ZNF728: variants seen among roughly 807,000 people sequenced by gnomAD.
The protein encoded by ZNF728 is zinc finger protein 728.
A neutral mutation model predicts 12.5 loss-of-function variants in ZNF728; 12 were observed. That is an observed-to-expected ratio of 0.96 (90% CI 0.61 to 1.55). The LOEUF (loss-of-function observed/expected upper bound fraction) is 1.55. Ranked by LOEUF, ZNF728 falls within the 40% of genes most tolerant of loss-of-function variation. The pLI is 0.00. For synonymous variants in ZNF728, 205 were observed against 240.7 expected, an observed-to-expected ratio of 0.85 and a Z score of 1.37; for missense variants, 692 against 719.2, an observed-to-expected ratio of 0.96 and a Z score of 0.43.
At chr19:22,986,598 C>T (rs1176843357) in intron 3 of ZNF728, among the ~76,000 whole-genome samples, 3 of 151,942 alleles carry the variant, frequency 2.0e-5, no homozygotes, top group Non-Finnish European at 2.9e-5. Flanking sequence ...AATGAGAGAA[C>T]ACAAATAAAT....
At chr19:22,977,614 T>C (rs1249334790) in intron 3 of ZNF728, among the ~76,000 whole-genome samples, 1 of 152,154 alleles carries the variant, frequency 6.6e-6, no homozygotes, top group Non-Finnish European at 1.5e-5. Flanking sequence ...ATAAATACAA[T>C]GCAGCAGAGC....
chr19:22,984,041 A>C (rs1414259919), intron 3 of ZNF728, among the ~76,000 whole-genome samples: 1 of 152,102 alleles, frequency 6.6e-6, no homozygotes, highest in Non-Finnish European at 1.5e-5. Context: ...AAGGAAACGG[A>C]CTACTTAAAG....
chr19:23,002,808 C>T (rs2145359289), intron 1 of ZNF728, among the ~76,000 whole-genome samples: 1 of 152,334 alleles, frequency 6.6e-6, no homozygotes, highest in Non-Finnish European at 1.5e-5. Context: ...GGCCAGGGCA[C>T]AATCACAGCG....
In ZNF728 at chr19:23,003,113, T is replaced by C. The variant is rs1969132167; in HGVS notation, c.-83A>G. 18 of 1,488,424 alleles carry C rather than the reference T, an allele frequency of 1.2e-5. No homozygotes were observed. Among genetic ancestry groups the C allele is most frequent in the Non-Finnish European group, 1.6e-5 (18 of 1,109,056 alleles). 92.2% of individuals were successfully genotyped at this position (1,488,424 alleles called of 1,614,324 possible). A position where few individuals can be genotyped will look rare whatever the true frequency, so the allele number is the denominator to read the frequency against. On this transcript the variant is annotated 5_prime_UTR_variant, in exon 1 of 4. Transcript: ENST00000594710. Reference sequence around the variant, plus strand: ...CACAGGGCCATAGAAGCTGGGCCTTTAGGAGCGGACGACACACAGCAGTAA... The same window carrying C: ...CACAGGGCCATAGAAGCTGGGCCTTCAGGAGCGGACGACACACAGCAGTAA...
chr19:22,984,613 CACATAT>C (rs1319331495), intron 3 of ZNF728, among the ~76,000 whole-genome samples: 11 of 140,674 alleles, frequency 7.8e-5, no homozygotes, highest in African/African-American at 3.1e-4. Flanking sequence ...CACACACACA[CACATAT>C]ACACACACAT....
At chr19:23,001,664 G>A (rs988838432) in intron 1 of ZNF728, among the ~76,000 whole-genome samples, 1 of 152,066 alleles carries the variant, frequency 6.6e-6, no homozygotes, top group Non-Finnish European at 1.5e-5. Flanking sequence ...CTGTGTCTAC[G>A]GAAAACAGAA....
intron 3 of ZNF728, among the ~76,000 whole-genome samples, chr19:22,982,756 T>C (rs1968874138): frequency 6.6e-6 from 1 of 151,956 alleles, no homozygotes; most frequent in South Asian, 2.1e-4. Context: ...AAACAAGCAA[T>C]GGGGAAACGA....
chr19:22,981,065 A>C (rs1438898889), intron 3 of ZNF728, among the ~76,000 whole-genome samples: 1 of 145,386 alleles, frequency 6.9e-6, no homozygotes, highest in Non-Finnish European at 1.5e-5. Context: ...AATACCCTTC[A>C]AAAAAAAAAA....
rs1028976523 is a variant in ZNF728, at chr19:22,976,610, G to T, written c.727C>A (p.Leu243Ile). 1 of 1,611,026 alleles carries T rather than the reference G, an allele frequency of 6.2e-7. No homozygotes were observed. The highest frequency in any genetic ancestry group is 8.5e-7 in the Non-Finnish European group (1 of 1,178,548). Residue 243 changes from leucine to isoleucine, a missense_variant, in exon 4 of 4, where the codon CTT becomes ATT. By Grantham distance (5) the Leu-to-Ile change is conservative. Transcript: ENST00000594710. ...GTATGAATTACCTTATGCTTAGTAAGGATTGAGAACTTACTAAAGGCTTTG... is the reference window on the plus strand; with the variant it reads ...GTATGAATTACCTTATGCTTAGTAATGATTGAGAACTTACTAAAGGCTTTG... ...CGKAFSKFSILTKHKVIHTGE... is the reference protein window; with the variant it reads ...CGKAFSKFSIITKHKVIHTGE...
At chr19:22,978,043 AAG>A (rs1968824617) in intron 3 of ZNF728, among the ~76,000 whole-genome samples, 1 of 152,082 alleles carries the variant, frequency 6.6e-6, no homozygotes, top group Admixed American at 6.6e-5. Context: ...AAAATACAAA[AAG>A]AAATAACTGA....
chr19:22,988,673 T>C (rs373097381), intron 1 of ZNF728, among the ~76,000 whole-genome samples: 1 of 152,208 alleles, frequency 6.6e-6, no homozygotes, highest in East Asian at 1.9e-4. Flanking sequence ...AGTGTATGTA[T>C]AGTATTTTTC....
chr19:22,985,492 T>A (rs289304), intron 3 of ZNF728, among the ~76,000 whole-genome samples: 46,303 of 151,828 alleles, frequency 0.3, 9,125 homozygotes, highest in African/African-American at 0.57. Context: ...AGCTTTGAGA[T>A]CCAGGGAGGC....
Position 22,976,083 on chromosome 19 carries a change from A to C in ZNF728, c.1254T>G (p.His418Gln). The C allele has an allele frequency of 6.2e-7, 1 of 1,612,846 alleles. No homozygotes were observed. The highest frequency in any genetic ancestry group is 8.5e-7 in the Non-Finnish European group (1 of 1,179,918). Residue 418 changes from histidine to glutamine, a missense_variant, in exon 4 of 4, where the codon CAT becomes CAG. Physicochemically the swap from His to Gln is conservative, Grantham distance 24. Around this residue, in one of 3 missense-constraint regions of ZNF728, gnomAD observed 244 missense variants for 235.2 expected, o/e 1.04. Coordinates refer to ENST00000594710, the MANE Select transcript of ZNF728 (RefSeq NM_001267716.2). ...SSTLTKHKII[H>Q]TGEKPYKCEE... is the part of the protein sequence containing the mutation. ...CACATTTGTAGGGTTTCTCTCCAGT[A>C]TGAATTATCTTATGTTTAGTAAGTG... is the stretch of plus-strand genomic sequence containing the variant.
chr19:22,990,826 T>C (rs1166629553), intron 1 of ZNF728, among the ~76,000 whole-genome samples: 2 of 152,108 alleles, frequency 1.3e-5, no homozygotes, highest in Admixed American at 6.6e-5. Context: ...TGATACTATT[T>C]AGCGGCCTGG....
At chr19:22,997,110 TAAC>T (rs1599533865) in intron 1 of ZNF728, among the ~76,000 whole-genome samples, 3 of 152,084 alleles carry the variant, frequency 2.0e-5, no homozygotes, top group Middle Eastern at 3.4e-3. Flanking sequence ...AGAAGAAAAT[TAAC>T]AACAATATTA....
At chr19:22,985,089 G>A (rs1462253047) in intron 3 of ZNF728, among the ~76,000 whole-genome samples, 1 of 152,034 alleles carries the variant, frequency 6.6e-6, no homozygotes, top group African/African-American at 2.4e-5. Context: ...AATATAATCT[G>A]AAATATAAAA....
At chr19:22,990,273 CA>C (rs1171397574) in intron 1 of ZNF728, among the ~76,000 whole-genome samples, 1 of 151,688 alleles carries the variant, frequency 6.6e-6, no homozygotes, top group Non-Finnish European at 1.5e-5. Context: ...AAAAAAAGGT[CA>C]TTTTTTTCTC....
At chr19:22,994,569 CCAT>C (rs1969029098) in intron 1 of ZNF728, among the ~76,000 whole-genome samples, 1 of 152,164 alleles carries the variant, frequency 6.6e-6, no homozygotes, top group African/African-American at 2.4e-5. Context: ...ATTTACAGCA[CCAT>C]GTCATACATA....
chr19:22,975,751 A>T lies in ZNF728; in HGVS notation c.1586T>A (p.Ile529Asn). 1 of 1,611,840 alleles carries T rather than the reference A, an allele frequency of 6.2e-7. No individual in the cohort carries two copies. Among genetic ancestry groups the T allele is most frequent in the Non-Finnish European group, 8.5e-7 (1 of 1,179,878 alleles). The change falls in exon 4 of 4, where the codon ATT (isoleucine) becomes AAT (asparagine). Residue 529 changes from isoleucine (I) to asparagine (N), a missense_variant. By Grantham distance (149) the Ile-to-Asn change is moderately radical. This residue lies in a region of ZNF728 where 244 missense variants were observed against 235.2 expected (regional missense o/e 1.04). Transcript: ENST00000594710. ...KVANLTKHKV[I>N]HTGEKQYKCE... ...TTTGTATTGTTTCTCTCCAGTATGA[A>T]TTACCTTATGTTTAGTAAGGTTTGC...
Sources: allele counts gnomAD v4.1 joint callset (sites outside exome capture counted in the v4.1 genomes callset), GRCh38; gene constraint gnomAD v4.1.1; regional missense constraint gnomAD v4.1.1; transcripts MANE v1.5; gene names NCBI Gene and HGNC (gene_info 2026-07-23, HGNC 2026-07-21).